ZNF676: variants seen among roughly 807,000 people sequenced by gnomAD.
ZNF676 encodes zinc finger protein 676.
Under a neutral mutation model 6.0 loss-of-function variants are expected in ZNF676, and 4 were observed. The ratio of observed to expected loss-of-function variants is 0.67; its 90% CI spans 0.33 to 1.53. ZNF676 has a LOEUF of 1.53. Among genes scored for constraint, ZNF676 ranks in the 40% most tolerant of loss-of-function variants. ZNF676 has a pLI of 0.06. For synonymous variants in ZNF676, 198 were observed against 223.1 expected (o/e 0.89, Z 1.00); for missense variants, 644 against 679.7 (o/e 0.95, Z 0.58).
chr19:22,228,565 G>A, the ZNF676 span, among the ~76,000 whole-genome samples: 1 of 152,170 alleles, frequency 6.6e-6, no homozygotes, highest in South Asian at 2.1e-4. Context: ...AAGTCAAATT[G>A]TCTCTGTTTG....
chr19:22,249,812 T>C, the ZNF676 span, among the ~76,000 whole-genome samples: 14 of 151,924 alleles, frequency 9.2e-5, no homozygotes, highest in African/African-American at 3.4e-4. Flanking sequence ...AATTGCAGAG[T>C]TATTAAACGT....
chr19:22,255,166 C>G, the ZNF676 span, among the ~76,000 whole-genome samples: 1 of 152,186 alleles, frequency 6.6e-6, no homozygotes, highest in Non-Finnish European at 1.5e-5. Context: ...TGTGCTGAAT[C>G]TTGGTCTGAG....
At chr19:22,185,939 C>G (rs2023832402) in intron 2 of ZNF676, among the ~76,000 whole-genome samples, 2 of 151,936 alleles carry the variant, frequency 1.3e-5, no homozygotes, top group African/African-American at 2.4e-5. Flanking sequence ...AGAATGGAAC[C>G]AAGTAGGAAA....
chr19:22,239,941 C>G, the ZNF676 span, among the ~76,000 whole-genome samples: 1 of 152,188 alleles, frequency 6.6e-6, no homozygotes, highest in African/African-American at 2.4e-5. Context: ...GTCACATAAC[C>G]TAGGTGAGAA....
intron 2 of ZNF676, among the ~76,000 whole-genome samples, chr19:22,186,274 C>T (rs1225842511): frequency 6.6e-6 from 1 of 152,132 alleles, no homozygotes; most frequent in Non-Finnish European, 1.5e-5. Flanking sequence ...CATATCCAGC[C>T]AAACTAAGCT....
upstream of ZNF676, among the ~76,000 whole-genome samples, chr19:22,201,573 T>G (rs891767734): frequency 6.6e-6 from 1 of 151,962 alleles, no homozygotes; most frequent in Non-Finnish European, 1.5e-5. Context: ...CTCTAGAACA[T>G]TCTAAATAAT....
At chr19:22,221,130 C>T in the ZNF676 span, among the ~76,000 whole-genome samples, 1 of 148,848 alleles carries the variant, frequency 6.7e-6, no homozygotes, top group Non-Finnish European at 1.5e-5. Context: ...TTGGTTTGTT[C>T]TTGTTTCTCT....
At chr19:22,241,555 T>C in the ZNF676 span, among the ~76,000 whole-genome samples, 1 of 152,016 alleles carries the variant, frequency 6.6e-6, no homozygotes, top group Admixed American at 6.5e-5. Flanking sequence ...CCATCTTTAC[T>C]ATTGGCTACC....
the ZNF676 span, among the ~76,000 whole-genome samples, chr19:22,238,885 G>A: frequency 2.6e-5 from 4 of 152,158 alleles, no homozygotes; most frequent in Admixed American, 6.5e-5. Context: ...TTCTGGCCAC[G>A]TTGGCAGTTG....
At chr19:22,214,588 G>A (rs1397287150) in intron 1 of ZNF676, among the ~76,000 whole-genome samples, 4 of 120,536 alleles carry the variant, frequency 3.3e-5, no homozygotes, top group Admixed American at 9.4e-5. Context: ...GACAAAGTGA[G>A]ACTTGGTCTC....
At chr19:22,232,741 C>T in the ZNF676 span, among the ~76,000 whole-genome samples, 1 of 151,260 alleles carries the variant, frequency 6.6e-6, no homozygotes, top group African/African-American at 2.4e-5. Context: ...AATGAAGTGA[C>T]AGTATGAAAC....
the ZNF676 span, among the ~76,000 whole-genome samples, chr19:22,228,257 G>T: frequency 4.6e-5 from 7 of 152,056 alleles, no homozygotes; most frequent in East Asian, 1.4e-3. Flanking sequence ...CAAAAACCAC[G>T]TGATTATCTC....
At chr19:22,243,697 A>T in the ZNF676 span, 1 of 152,236 alleles carries the variant, frequency 6.6e-6, no homozygotes, top group Admixed American at 6.5e-5. Context: ...CATAGTTGGC[A>T]AGGTCCAGAT....
intron 1 of ZNF676, among the ~76,000 whole-genome samples, chr19:22,207,666 T>C (rs978844733): frequency 6.6e-6 from 1 of 152,130 alleles, no homozygotes; most frequent in Non-Finnish European, 1.5e-5. Flanking sequence ...ACAAGAAAGC[T>C]GGAGGCATTA....
chr19:22,215,238 G>A (rs1171749995), intron 1 of ZNF676, among the ~76,000 whole-genome samples: 2 of 151,448 alleles, frequency 1.3e-5, no homozygotes, highest in Admixed American at 1.3e-4. Flanking sequence ...ATATTTTTTC[G>A]GCGACTTCCA....
At chr19:22,182,585 T>TTAAAA (rs376894161) in intron 2 of ZNF676, among the ~76,000 whole-genome samples, 1 of 45,066 alleles carries the variant, frequency 2.2e-5, no homozygotes, top group African/African-American at 1.1e-4. Context: ...GTCAAAGTTC[T>TTAAAA]AAAAAAAAAA....
At chr19:22,247,038 A>G in the ZNF676 span, among the ~76,000 whole-genome samples, 1 of 152,216 alleles carries the variant, frequency 6.6e-6, no homozygotes, top group African/African-American at 2.4e-5. Flanking sequence ...CTTTCTGGCA[A>G]ATTATAAAGG....
chr19:22,198,114 T>C (rs1445875264), upstream of ZNF676, among the ~76,000 whole-genome samples: 2 of 152,198 alleles, frequency 1.3e-5, no homozygotes, highest in Non-Finnish European at 2.9e-5. Flanking sequence ...AATCTTGTAC[T>C]GCATAGACAT....
At chr19:22,190,810 C>T (rs886596988) in intron 2 of ZNF676, among the ~76,000 whole-genome samples, 6 of 151,312 alleles carry the variant, frequency 4.0e-5, no homozygotes, top group Non-Finnish European at 3.0e-5. Context: ...GAATATCACT[C>T]AGTTTTCAAA....
Sources: allele counts gnomAD v4.1 joint callset (sites outside exome capture counted in the v4.1 genomes callset), GRCh38; gene constraint gnomAD v4.1.1; transcripts MANE v1.5; gene names NCBI Gene and HGNC (gene_info 2026-07-23, HGNC 2026-07-21).